CFAP46: variants seen among roughly 807,000 people sequenced by gnomAD.
CFAP46 encodes the protein cilia and flagella associated protein 46.
In CFAP46, 245 loss-of-function variants were observed where a neutral mutation model predicts 325.7. That is an observed-to-expected ratio of 0.75 (90% confidence interval 0.68 to 0.84). CFAP46 has a LOEUF of 0.84. Among genes scored for constraint, CFAP46 ranks in the 40% least tolerant of loss-of-function variants. The pLI, the probability that CFAP46 is intolerant of heterozygous loss-of-function variation, is 0.00. For missense variants in CFAP46, 3,346 were observed against 3,543.0 expected (o/e 0.94, Z 1.41); for synonymous variants, 1,523 against 1,495.9 (o/e 1.02, Z -0.42).
intron 37 of CFAP46, 21 bp downstream of exon 37, chr10:132,860,396 G>T: frequency 1.3e-6 from 2 of 1,511,800 alleles, no homozygotes; most frequent in Non-Finnish European, 1.8e-6. Context: ...CTAATGAACA[G>T]TGTTTCTTAC....
intron 50 of CFAP46, among the ~76,000 whole-genome samples, chr10:132,824,370 G>C (rs1847983583): frequency 7.5e-6 from 1 of 134,184 alleles, no homozygotes; most frequent in Admixed American, 7.5e-5. Context: ...TGTGTGCTGT[G>C]TGAGTGCTGA....
intron 8 of CFAP46, among the ~76,000 whole-genome samples, chr10:132,931,852 TTA>T (rs1849912562): frequency 1.4e-5 from 1 of 70,508 alleles, no homozygotes; most frequent in African/African-American, 6.4e-5. Context: ...CTGGGCCTCC[TTA>T]CACTCCCCAC....
intron 44 of CFAP46, among the ~76,000 whole-genome samples, chr10:132,843,861 T>C (rs1345003405): frequency 9.7e-6 from 1 of 102,930 alleles, no homozygotes. Flanking sequence ...CCCAGGGTGC[T>C]GTGGGGCTCT....
chr10:132,814,073 G>A, intron 54 of CFAP46, 79 bp downstream of exon 54: 2 of 1,122,386 alleles, frequency 1.8e-6, no homozygotes, highest in East Asian at 4.8e-5. Flanking sequence ...CAGGGAGCCG[G>A]GGGTAGGGGG....
chr10:132,916,596 G>T lies in CFAP46; in HGVS notation c.2073C>A (p.Gly691=). ...TCACCTCCGGGGGCTCAGGCACGTA[G>T]CCAGCTGGGTGCTGGCTCAGGTCTT... ...PPEDLSQHPA[G]YVPEPPEVNA... Residue 691 remains glycine, a synonymous_variant, in exon 17 of 58, where the codon GGC becomes GGA. Transcript: ENST00000368586. 1 of 1,547,338 alleles carries T rather than the reference G, an allele frequency of 6.5e-7. No individual in the cohort carries two copies. The highest frequency in any genetic ancestry group is 8.7e-7 in the Non-Finnish European group (1 of 1,145,446).
chr10:132,935,408 A>G (rs886716025), intron 7 of CFAP46, among the ~76,000 whole-genome samples: 1 of 142,466 alleles, frequency 7.0e-6, no homozygotes, highest in Admixed American at 6.9e-5. Context: ...TCAGCACCCA[A>G]ACACACTGAG....
Position 132,929,726 on chromosome 10 carries a change from G to T in CFAP46, c.945C>A (p.Asp315Glu). The change falls in exon 9 of 58, where the codon GAC becomes GAA. Residue 315 changes from aspartate to glutamate, a missense_variant. Transcript: ENST00000368586. ...CMEISSACLSDLKKMESKDPG... is the reference protein window; with the variant it reads ...CMEISSACLSELKKMESKDPG... ...TTACTTTGCTTTCCATCTTCTTCAG[G>T]TCTGAGAGGCAGGCAGAGGAGATCT... 7.4e-6 allele frequency: 12 copies of T among 1,613,798 alleles called. No homozygotes were observed. The highest frequency in any genetic ancestry group is 1.0e-5 in the Non-Finnish European group (12 of 1,179,928).
Position 132,869,249 on chromosome 10 carries a change from C to A in CFAP46, c.4610+25G>T. On this transcript the variant is annotated intron_variant, in intron 33 of 57. Transcript: ENST00000368586. This position sits in a 1 kb window ranked among gnomAD's most constrained non-coding sequence, Gnocchi z 6.2. Reference sequence around the variant, plus strand: ...CCAAGGGCGAGACTCAAACCCCAGGCGGCGCAGGGTGGGACGGCACACACC... The same window carrying A: ...CCAAGGGCGAGACTCAAACCCCAGGAGGCGCAGGGTGGGACGGCACACACC... The A allele has an allele frequency of 2.0e-6, 3 of 1,494,748 alleles. No individual in the cohort carries two copies. Among genetic ancestry groups the A allele is most frequent in the South Asian group, 1.3e-5 (1 of 79,234 alleles). The allele number at this position is 1,494,748 out of a possible 1,614,324, so 92.6% of individuals were successfully genotyped here.
At chr10:132,920,378 G>A (rs562412450) in intron 13 of CFAP46, among the ~76,000 whole-genome samples, 196 bp from the exon 14 acceptor site, 4 of 152,266 alleles carry the variant, frequency 2.6e-5, no homozygotes, top group South Asian at 2.1e-4. Flanking sequence ...GTCTCCTGCC[G>A]GCGATGAGGC....
intron 46 of CFAP46, among the ~76,000 whole-genome samples, chr10:132,835,936 C>T (rs1848234928): frequency 9.7e-6 from 1 of 103,592 alleles, no homozygotes; most frequent in African/African-American, 3.8e-5. Flanking sequence ...GCTCCTGCCC[C>T]TGCTCCCCCC....
At chr10:132,892,207 T>C (rs755922146) in intron 25 of CFAP46, 126 bp downstream of exon 25, 22 of 775,982 alleles carry the variant, frequency 2.8e-5, no homozygotes, top group Non-Finnish European at 4.4e-5. Flanking sequence ...AGACATTATC[T>C]GGAGTTACTG....
At chr10:132,833,659 C>T in intron 49 of CFAP46, 134 bp from the exon 50 acceptor site, 6 of 845,784 alleles carry the variant, frequency 7.1e-6, no homozygotes, top group Non-Finnish European at 1.1e-5. Flanking sequence ...CATGCCACCT[C>T]CTCCTCCAGA....
intron 8 of CFAP46, among the ~76,000 whole-genome samples, chr10:132,931,091 C>CT (rs1283043627): frequency 2.6e-5 from 2 of 75,586 alleles, no homozygotes; most frequent in Non-Finnish European, 2.6e-5. Context: ...GAGCCTGGGC[C>CT]TCCCCACACT....
chr10:132,908,017 C>T (rs1297942350), intron 22 of CFAP46, among the ~76,000 whole-genome samples: 1 of 152,272 alleles, frequency 6.6e-6, no homozygotes, highest in East Asian at 1.9e-4. Context: ...GCTGAGGCCC[C>T]CCCTTTCTGT....
intron 50 of CFAP46, among the ~76,000 whole-genome samples, chr10:132,824,771 GTA>G (rs1337647273): frequency 8.4e-6 from 1 of 118,652 alleles, no homozygotes; most frequent in Non-Finnish European, 1.7e-5. Context: ...GATGTGTGCT[GTA>G]TGTTGTGTGA....
In CFAP46 at chr10:132,892,361, G is replaced by T. The variant is rs561458216; in HGVS notation, c.3276C>A (p.Gly1092=). The T allele has an allele frequency of 1.9e-6, 3 of 1,550,802 alleles. No individual in the cohort carries two copies. The highest frequency in any genetic ancestry group is 2.6e-6 in the Non-Finnish European group (3 of 1,147,050). ...HQWPTADFQG[G]GTTEGYFLPG... is the part of the protein sequence containing the mutation. ...GAAGAAAATATCCTTCGGTCGTCCC[G>T]CCACCCTGGAAGTCGGCCGTGGGCC... Residue 1092 remains glycine (G), a synonymous_variant, in exon 25 of 58, where the codon GGC becomes GGA. Coordinates refer to ENST00000368586, the MANE Select transcript of CFAP46 (RefSeq NM_001200049.3).
intron 48 of CFAP46, among the ~76,000 whole-genome samples, 174 bp from the exon 49 acceptor site, chr10:132,834,297 G>A (rs979531893): frequency 3.9e-5 from 6 of 152,200 alleles, no homozygotes; most frequent in Admixed American, 1.3e-4. Context: ...AGGATTTTGG[G>A]ATCATCTCTG....
rs559082339 is a variant in CFAP46 at position 132,836,193 on chromosome 10, C to T, written c.6562G>A (p.Glu2188Lys). The T allele has an allele frequency of 1.2e-5, 19 of 1,611,218 alleles. No homozygotes were observed. Among genetic ancestry groups the T allele is most frequent in the South Asian group, 1.1e-4 (10 of 90,912 alleles). ...GCTGCAGTAATGAACTTGGGTTTCT[C>T]GTAGGCAGCGCCGTACAGACGGGAC... ...DRSRLYGAAY[E>K]KPKFITAAKG... Residue 2188 changes from glutamate (E) to lysine (K), a missense_variant, in exon 46 of 58, where the codon GAG becomes AAG. Physicochemically the swap from Glu to Lys is moderately conservative, Grantham distance 56. Transcript: ENST00000368586.
Position 132,832,663 on chromosome 10 carries a change from C to A in CFAP46, c.7117+695G>T, listed in dbSNP as rs963423537. ...TGATACCGAAGTGCAGAAAACTGCA[C>A]GTACCGCAAGGGTAGCGCTCGGGGA... is the stretch of plus-strand genomic sequence containing the variant. On this transcript the variant is annotated intron_variant, in intron 50 of 57. Transcript: ENST00000368586. This position sits in a 1 kb window ranked among gnomAD's most constrained non-coding sequence, Gnocchi z 4.1. 1.2e-5 allele frequency: 5 copies of A among 426,774 alleles called. No homozygotes were observed. The highest frequency in any genetic ancestry group is 5.1e-5 in the Admixed American group (2 of 38,926). 26.4% of individuals were successfully genotyped at this position (426,774 alleles called of 1,614,324 possible). A position where few individuals can be genotyped will look rare whatever the true frequency, so the allele number is the denominator to read the frequency against.
Sources: gnomAD v4.1 joint callset for allele counts (sites outside exome capture counted in the v4.1 genomes callset) on GRCh38, gnomAD v4.1.1 for gene constraint, Gnocchi (gnomAD v3.1) non-coding constraint, MANE v1.5 for transcripts, NCBI Gene and HGNC (gene_info 2026-07-23, HGNC 2026-07-21) for gene names.